The following STXBP5L variants were observed in gnomAD, a reference collection of about 807,000 sequenced individuals.
STXBP5L encodes syntaxin-binding protein 5-like.
STXBP5L carries 65 observed loss-of-function variants against 144.5 expected under a neutral mutation model. The observed-to-expected ratio is 0.45, with a 90% CI of 0.37 to 0.55. The LOEUF is 0.55. STXBP5L is among the 20% of genes least tolerant of loss of function. The pLI, the probability that STXBP5L is intolerant of heterozygous loss-of-function variation, is 0.00. For missense variants in STXBP5L, 1,298 were observed against 1,405.5 expected, an observed-to-expected ratio of 0.92 and a Z score of 1.22; for synonymous variants, 505 against 469.6, an observed-to-expected ratio of 1.08 and a Z score of -0.97.
At chr3:121,371,305 C>G (rs928305283) in intron 20 of STXBP5L, among the ~76,000 whole-genome samples, 3 of 152,208 alleles carry the variant, frequency 2.0e-5, no homozygotes, top group African/African-American at 4.8e-5. Flanking sequence ...GACACCTGGA[C>G]TGCAAGCTTT....
intron 20 of STXBP5L, among the ~76,000 whole-genome samples, chr3:121,341,488 C>T (rs2044710098): frequency 1.3e-5 from 2 of 151,986 alleles, no homozygotes; most frequent in Non-Finnish European, 2.9e-5. Context: ...AATGCAGCTA[C>T]CATATGATAC....
chr3:121,204,959 A>G lies in STXBP5L; in HGVS notation c.878-964A>G, dbSNP rs559730774. On this transcript the variant is annotated intron_variant, in intron 9 of 26. Transcript: ENST00000471454. ...TTTTTGTTTTATGCAAAATGAATAC[A>G]TCATTAAAATGATTTTTAAAAATCA... Among the ~76,000 whole-genome samples the G allele has an allele frequency of 1.5e-3, 230 of 152,326 alleles. 1 individual carries two copies. Among genetic ancestry groups the G allele is most frequent in the Middle Eastern group, 6.8e-3 (2 of 294 alleles).
chr3:121,364,354 G>C (rs1056467659), intron 20 of STXBP5L, among the ~76,000 whole-genome samples: 3 of 152,050 alleles, frequency 2.0e-5, no homozygotes, highest in Non-Finnish European at 2.9e-5. Context: ...TATTACAGCT[G>C]TGTAGTAAGT....
chr3:121,009,044 G>C (rs981308583), intron 3 of STXBP5L, among the ~76,000 whole-genome samples: 4 of 151,794 alleles, frequency 2.6e-5, no homozygotes, highest in Non-Finnish European at 4.4e-5. Context: ...GTGAGTAGAT[G>C]AACTTTAAAG....
chr3:121,401,817 C>T lies in STXBP5L; in HGVS notation c.2588-5426C>T, dbSNP rs552468757. Among the ~76,000 whole-genome samples, 1,105 of 134,880 alleles carry T rather than the reference C, an allele frequency of 8.2e-3. 23 individuals carry two copies. The highest frequency in any genetic ancestry group is 0.03 in the African/African-American group (1,041 of 34,502). The allele number at this position is 134,880 out of a possible 152,430, so 88.5% of individuals were successfully genotyped here. A position where few individuals can be genotyped will look rare whatever the true frequency, so the allele number is the denominator to read the frequency against. On this transcript the variant is annotated intron_variant, in intron 22 of 26. Coordinates refer to ENST00000471454, the MANE Select transcript of STXBP5L (RefSeq NM_001308330.2). ...CTAGATGACACGTTAGTGGGTGCAG[C>T]GCACCAGCATGGCACATGTATACAT... is the stretch of plus-strand genomic sequence containing the variant.
chr3:121,290,453 CACAGCTGAA>C lies in STXBP5L; in HGVS notation c.2110+10498_2110+10506del, dbSNP rs1356066763. On this transcript the variant is annotated intron_variant, in intron 19 of 26. Coordinates refer to ENST00000471454, the MANE Select transcript of STXBP5L (RefSeq NM_001308330.2). ...AAAAAAGTCCAGGACCAGATGGATT[CACAGCTGAA>C]TTCTATCAGACATTCAAAAAAGAAT... Among the ~76,000 whole-genome samples the C allele has an allele frequency of 2.6e-5, 4 of 152,044 alleles. No individual in the cohort carries two copies. The East Asian group carries it at 7.7e-4, about 29-fold the overall frequency.
At chr3:121,009,310 C>A (rs1390660625) in intron 3 of STXBP5L, among the ~76,000 whole-genome samples, 1 of 151,958 alleles carries the variant, frequency 6.6e-6, no homozygotes, top group African/African-American at 2.4e-5. Flanking sequence ...GCTTCTTCCC[C>A]CTCTTGGTCT....
chr3:121,001,040 A>C (rs1453924547), intron 3 of STXBP5L, among the ~76,000 whole-genome samples: 2 of 152,160 alleles, frequency 1.3e-5, no homozygotes, highest in African/African-American at 4.8e-5. Flanking sequence ...TCTGGCAATG[A>C]TACTGCATTG....
At chr3:120,948,906 T>C (rs1343258757) in intron 2 of STXBP5L, among the ~76,000 whole-genome samples, 2 of 151,892 alleles carry the variant, frequency 1.3e-5, no homozygotes, top group Non-Finnish European at 2.9e-5. Context: ...ATTTTTTTTT[T>C]CTTCTGAGTA....
intron 3 of STXBP5L, among the ~76,000 whole-genome samples, chr3:120,981,473 A>G (rs866252875): frequency 1.3e-5 from 2 of 152,054 alleles, no homozygotes; most frequent in African/African-American, 4.8e-5. Context: ...GTTCTAGCCT[A>G]TTATTAGGGC....
intron 3 of STXBP5L, among the ~76,000 whole-genome samples, chr3:121,005,762 C>G (rs1253029818): frequency 6.6e-6 from 1 of 152,154 alleles, no homozygotes; most frequent in African/African-American, 2.4e-5. Flanking sequence ...TCTTTGTTCT[C>G]ATTGGTTTCA....
At chr3:121,198,502 T>C (rs1307202121) in intron 9 of STXBP5L, among the ~76,000 whole-genome samples, 1 of 152,238 alleles carries the variant, frequency 6.6e-6, no homozygotes. Context: ...ATCCCATATG[T>C]CAATTTTGGC....
intron 9 of STXBP5L, among the ~76,000 whole-genome samples, chr3:121,187,989 T>A (rs1392272803): frequency 6.6e-6 from 1 of 152,110 alleles, no homozygotes; most frequent in Non-Finnish European, 1.5e-5. Flanking sequence ...GAGCTAACTA[T>A]CTTAAATATA....
In STXBP5L at chr3:121,015,867, G is replaced by A. The variant is rs78600082; in HGVS notation, c.288-25833G>A. ...TACAACTGGAGAAACACTTGTGAATGTCACAGCCCAGACACACAGACCCAT... is the reference window on the plus strand; with the variant it reads ...TACAACTGGAGAAACACTTGTGAATATCACAGCCCAGACACACAGACCCAT... On this transcript the variant is annotated intron_variant, in intron 3 of 26. Coordinates refer to ENST00000471454, the MANE Select transcript of STXBP5L (RefSeq NM_001308330.2). Among the ~76,000 whole-genome samples the A allele has an allele frequency of 5.9e-3, 892 of 152,246 alleles. 6 individuals are homozygous for A. The highest frequency in any genetic ancestry group is 9.5e-3 in the Non-Finnish European group (646 of 68,008).
intron 2 of STXBP5L, among the ~76,000 whole-genome samples, chr3:120,927,713 C>T (rs1709710328): frequency 6.6e-6 from 1 of 152,050 alleles, no homozygotes; most frequent in Admixed American, 6.6e-5. Flanking sequence ...TAGAAGCTGA[C>T]TTGTTCTTAT....
At chr3:121,087,927 G>A (rs898067726) in intron 5 of STXBP5L, among the ~76,000 whole-genome samples, 2 of 152,048 alleles carry the variant, frequency 1.3e-5, no homozygotes, top group Admixed American at 6.6e-5. Flanking sequence ...TGAATGAAAT[G>A]CAGAGACTTT....
intron 5 of STXBP5L, among the ~76,000 whole-genome samples, chr3:121,093,971 G>C (rs917825660): frequency 6.6e-6 from 1 of 152,030 alleles, no homozygotes; most frequent in Non-Finnish European, 1.5e-5. Context: ...GGTACGTTGT[G>C]TCTTTGTTCT....
chr3:120,967,740 A>G (rs780296571), intron 3 of STXBP5L, among the ~76,000 whole-genome samples: 2 of 152,066 alleles, frequency 1.3e-5, no homozygotes, highest in African/African-American at 4.8e-5. Context: ...TTTTATTGCT[A>G]TAAACAACTT....
chr3:121,062,159 G>T (rs371684618), intron 5 of STXBP5L, among the ~76,000 whole-genome samples: 1 of 152,078 alleles, frequency 6.6e-6, no homozygotes, highest in Non-Finnish European at 1.5e-5. Context: ...AGGCAAAGCC[G>T]CCAGGAAGCT....
Sources: allele counts gnomAD v4.1 joint callset (sites outside exome capture counted in the v4.1 genomes callset), GRCh38; gene constraint gnomAD v4.1.1; transcripts MANE v1.5; gene names NCBI Gene and HGNC (gene_info 2026-07-23, HGNC 2026-07-21).